The following RAP2C variants were observed in gnomAD, a reference collection of about 807,000 sequenced individuals.
RAP2C encodes RAP2C, member of RAS oncogene family, also known as ras-related protein Rap-2c.
A neutral mutation model predicts 8.9 loss-of-function variants in RAP2C; 3 were observed. That is an observed-to-expected ratio of 0.34 (90% CI 0.15 to 0.87). RAP2C has a LOEUF of 0.87. Ranked by LOEUF, RAP2C falls within the 40% of genes least tolerant of loss-of-function variation. The pLI, the probability that RAP2C is intolerant of heterozygous loss-of-function variation, is 0.51. For synonymous variants in RAP2C, 60 were observed against 52.1 expected, an observed-to-expected ratio of 1.15 and a Z score of -0.65; for missense variants, 76 against 133.7, an observed-to-expected ratio of 0.57 and a Z score of 2.13.
At chrX:132,219,177 C>G (rs1407913085) in intron 1 of RAP2C, among the ~76,000 whole-genome samples, 193 bp downstream of exon 1, 2 of 111,699 alleles carry the variant, frequency 1.8e-5, no homozygotes, top group African/African-American at 6.5e-5. Context: ...AAGCATGTAC[C>G]CAGAAACCTG....
At chrX:132,211,354 CA>C (rs1414032887) in intron 5 of RAP2C, among the ~76,000 whole-genome samples, 1 of 111,302 alleles carries the variant, frequency 9.0e-6, no homozygotes, top group Non-Finnish European at 1.9e-5. Context: ...AGTGAACTGC[CA>C]ATAATTTATA....
chrX:132,216,349 A>G (rs1930580322), intron 4 of RAP2C, among the ~76,000 whole-genome samples: 1 of 111,737 alleles, frequency 8.9e-6, no homozygotes, highest in African/African-American at 3.3e-5. Flanking sequence ...AAAAAGAGTC[A>G]TTCCTGATTT....
At chrX:132,215,446 T>C (rs1418719080) in intron 4 of RAP2C, among the ~76,000 whole-genome samples, 1 of 112,005 alleles carries the variant, frequency 8.9e-6, no homozygotes. Context: ...TATAGTTATT[T>C]GATATTTGCA....
intron 5 of RAP2C, among the ~76,000 whole-genome samples, chrX:132,210,492 C>T (rs966662472): frequency 3.6e-5 from 4 of 111,798 alleles, no homozygotes; most frequent in African/African-American, 6.5e-5. Context: ...TGTAAAATGA[C>T]GTGCTAGTCT....
At chrX:132,218,885 A>T (rs1474715107) in intron 1 of RAP2C, 1 of 112,622 alleles carries the variant, frequency 8.9e-6, no homozygotes, top group East Asian at 2.8e-4. Flanking sequence ...TTAGGCCTAA[A>T]GACTAATTTA....
Position 132,217,165 on chromosome X carries a change from G to C in RAP2C, c.104C>G (p.Thr35Ser). ...CTCTTTGCGGTAGAAATCTTCAATG[G>C]TGGGGTCATATTTCTCAATGAAAGT... Reference protein sequence around the residue: ...TGTFIEKYDPTIEDFYRKEIE... With the variant: ...TGTFIEKYDPSIEDFYRKEIE... The change falls in exon 4 of 6, where the codon ACC (threonine) becomes AGC (serine). Residue 35 changes from threonine to serine, a missense_variant. Coordinates refer to ENST00000370874, the MANE Select transcript of RAP2C (RefSeq NM_001271186.2). 8.3e-7 allele frequency: 1 copy of C among 1,200,669 alleles called. No individual in the cohort carries two copies. The highest frequency in any genetic ancestry group is 1.1e-6 in the Non-Finnish European group (1 of 890,400).
chrX:132,211,538 G>A (rs993223791), intron 5 of RAP2C, among the ~76,000 whole-genome samples: 3 of 111,437 alleles, frequency 2.7e-5, no homozygotes, highest in Non-Finnish European at 5.6e-5. Flanking sequence ...TAAGGAATCT[G>A]GTTATGCTTC....
chrX:132,209,003 G>A (rs1930352575), intron 5 of RAP2C, among the ~76,000 whole-genome samples: 1 of 111,367 alleles, frequency 9.0e-6, no homozygotes, highest in African/African-American at 3.3e-5. Flanking sequence ...TTATGTTTTT[G>A]TTAAATATCT....
Position 132,214,193 on chromosome X carries a change from C to T in RAP2C, c.527G>A (p.Cys176Tyr). 2.5e-6 allele frequency: 3 copies of T among 1,211,266 alleles called. No individual in the cohort carries two copies. Among genetic ancestry groups the T allele is most frequent in the Non-Finnish European group, 3.4e-6 (3 of 895,150 alleles). ...YSSLPEKQDQ[C>Y]CTTCVVQ ...TTACTGGACGACACAAGTTGTACAACACTGATCTTGCTTCTCCGGCAGGGA... is the reference window on the plus strand; with the variant it reads ...TTACTGGACGACACAAGTTGTACAATACTGATCTTGCTTCTCCGGCAGGGA... Residue 176 changes from cysteine to tyrosine, a missense_variant, in exon 5 of 6, where the codon TGT (cysteine) becomes TAT (tyrosine). Transcript: ENST00000370874.
At chrX:132,209,653 T>C (rs1930374260) in intron 5 of RAP2C, among the ~76,000 whole-genome samples, 1 of 112,301 alleles carries the variant, frequency 8.9e-6, no homozygotes, top group Admixed American at 9.5e-5. Flanking sequence ...TATGATGCAA[T>C]TTTTGTTAAT....
At chrX:132,205,710 A>G (rs1005592152) in intron 5 of RAP2C, 123 bp from the exon 6 acceptor site, 1 of 111,552 alleles carries the variant, frequency 9.0e-6, no homozygotes, top group Non-Finnish European at 1.9e-5. Context: ...GTTAAAGTAG[A>G]AAGTTAATTT....
In RAP2C at chrX:132,217,185, G is replaced by T; in HGVS notation, c.84C>A (p.Phe28Leu). 8.4e-7 allele frequency: 1 copy of T among 1,195,156 alleles called. No individual in the cohort carries two copies. Among genetic ancestry groups the T allele is most frequent in the Non-Finnish European group, 1.1e-6 (1 of 886,608 alleles). ...CAATGGTGGGGTCATATTTCTCAAT[G>T]AAAGTCCCAGTGACAAACTGCACAG... is the stretch of plus-strand genomic sequence containing the variant. ...ALTVQFVTGT[F>L]IEKYDPTIED... Residue 28 changes from phenylalanine (F) to leucine (L), a missense_variant, in exon 4 of 6, where the codon TTC becomes TTA. Coordinates refer to ENST00000370874, the MANE Select transcript of RAP2C (RefSeq NM_001271186.2).
intron 1 of RAP2C, 84 bp downstream of exon 1, chrX:132,219,286 A>C (rs1930786699): frequency 1.8e-5 from 2 of 112,223 alleles, no homozygotes; most frequent in African/African-American, 6.5e-5. Flanking sequence ...ACTCAGCCTA[A>C]ATTGTTGGAC....
rs879068595 is a variant in RAP2C at position 132,217,339 on chromosome X, G to C, written c.-71C>G. 3.1e-6 allele frequency: 3 copies of C among 980,552 alleles called. No individual in the cohort carries two copies. Among genetic ancestry groups the C allele is most frequent in the East Asian group, 3.5e-5 (1 of 28,719 alleles). 80.8% of individuals were successfully genotyped at this position (980,552 alleles called of 1,213,427 possible). ...CCCGCTAGCTGTGGCGCGGCTAGAC[G>C]AGGCGGAAGGTGGGCGGAAATCTGC... On this transcript the variant is annotated 5_prime_UTR_variant, in exon 4 of 6. Coordinates refer to ENST00000370874, the MANE Select transcript of RAP2C (RefSeq NM_001271186.2).
intron 2 of RAP2C, 99 bp from the exon 3 acceptor site, chrX:132,218,111 C>T (rs1930712201): frequency 1.4e-5 from 1 of 69,468 alleles, no homozygotes; most frequent in Non-Finnish European, 2.9e-5. Flanking sequence ...CCCACCCCCA[C>T]CCCCACCCCC....
At chrX:132,208,385 G>A (rs1235250022) in intron 5 of RAP2C, among the ~76,000 whole-genome samples, 4 of 110,551 alleles carry the variant, frequency 3.6e-5, no homozygotes, top group Admixed American at 9.6e-5. Context: ...TCTAGTTTTA[G>A]GGATATGATA....
At position 132,218,224 on chromosome X, in the gene RAP2C, A is replaced by G. The variant is rs1412058087; in HGVS notation, c.-636+8T>C. The stretch of plus-strand genomic sequence containing the variant: ...GGACGGGATCACTTCCGGTGGGGAA[A>G]GTCCCACCTCTTCGGGGCGAGCCGG... On this transcript the variant is annotated splice_region_variant and intron_variant, in intron 2 of 5. Transcript: ENST00000370874. 2 of 105,792 alleles carry G rather than the reference A, an allele frequency of 1.9e-5. No homozygotes were observed. The highest frequency in any genetic ancestry group is 9.9e-5 in the Admixed American group (1 of 10,087). The allele number at this position is 105,792 out of a possible 1,213,427, so 8.7% of individuals were successfully genotyped here.
chrX:132,212,786 A>ACAATG, intron 5 of RAP2C, among the ~76,000 whole-genome samples: 1 of 111,995 alleles, frequency 8.9e-6, no homozygotes, highest in Non-Finnish European at 1.9e-5. Context: ...TCCTCAAAAG[A>ACAATG]CTATACTGCA....
intron 1 of RAP2C, among the ~76,000 whole-genome samples, chrX:132,219,045 T>G (rs373402632): frequency 2.7e-5 from 3 of 112,383 alleles, no homozygotes; most frequent in African/African-American, 9.7e-5. Context: ...TAGATAAAAT[T>G]GTTACTTCCG....
Sources: gnomAD v4.1 joint callset for allele counts (sites outside exome capture counted in the v4.1 genomes callset) on GRCh38, gnomAD v4.1.1 for gene constraint, MANE v1.5 for transcripts, NCBI Gene and HGNC (gene_info 2026-07-23, HGNC 2026-07-21) for gene names.